Variants in GTF2E1 observed in about 807,000 individuals in gnomAD.
The protein encoded by GTF2E1 is general transcription factor IIE subunit 1.
In GTF2E1, 14 loss-of-function variants were observed where a neutral mutation model predicts 34.9. That is an observed-to-expected ratio of 0.40 (90% confidence interval 0.27 to 0.63). GTF2E1 has a LOEUF of 0.63. GTF2E1 is among the 20% of genes least tolerant of loss of function. The pLI is 0.39. For synonymous variants in GTF2E1, 188 were observed against 192.9 expected (o/e 0.97, Z 0.21); for missense variants, 469 against 557.7 (o/e 0.84, Z 1.60).
At chr3:120,778,080 C>T (rs1709416316) in intron 4 of GTF2E1, among the ~76,000 whole-genome samples, 1 of 152,220 alleles carries the variant, frequency 6.6e-6, no homozygotes, top group Non-Finnish European at 1.5e-5. Context: ...GGCTATACTA[C>T]TACTTAATAA....
intron 2 of GTF2E1, among the ~76,000 whole-genome samples, chr3:120,764,859 T>A (rs1709293821): frequency 6.6e-6 from 1 of 152,144 alleles, no homozygotes; most frequent in Non-Finnish European, 1.5e-5. Flanking sequence ...GTGAGTAACA[T>A]GTTTGTTAAA....
intron 2 of GTF2E1, among the ~76,000 whole-genome samples, chr3:120,766,360 C>T (rs1218263041): frequency 6.6e-6 from 1 of 152,198 alleles, no homozygotes; most frequent in African/African-American, 2.4e-5. Flanking sequence ...AGTGTCTTTC[C>T]TAACACCCTT....
At chr3:120,744,790 A>G (rs1352229859) in intron 1 of GTF2E1, among the ~76,000 whole-genome samples, 1 of 152,048 alleles carries the variant, frequency 6.6e-6, no homozygotes, top group African/African-American at 2.4e-5. Context: ...TATAAGAGTC[A>G]TTTTTCTAAA....
intron 1 of GTF2E1, among the ~76,000 whole-genome samples, chr3:120,745,699 A>G (rs986235292): frequency 2.0e-5 from 3 of 152,104 alleles, no homozygotes; most frequent in East Asian, 1.9e-4. Context: ...TTATGTTGAC[A>G]TTTTTCTGCT....
Position 120,781,166 on chromosome 3 carries a change from C to T in GTF2E1, c.1016C>T (p.Ser339Leu). Residue 339 changes from serine to leucine, a missense_variant, in exon 5 of 5, where the codon TCA becomes TTA. Transcript: ENST00000283875. ...EKKTSSAMAGSVGAAAPVTAA... is the reference protein window; with the variant it reads ...EKKTSSAMAGLVGAAAPVTAA... Reference sequence around the variant, plus strand: ...AAGACTTCCTCTGCCATGGCTGGTTCAGTGGGGGCAGCTGCTCCAGTGACC... The same window carrying T: ...AAGACTTCCTCTGCCATGGCTGGTTTAGTGGGGGCAGCTGCTCCAGTGACC... The T allele has an allele frequency of 6.2e-7, 1 of 1,614,062 alleles. No homozygotes were observed. Among genetic ancestry groups the T allele is most frequent in the Non-Finnish European group, 8.5e-7 (1 of 1,179,998 alleles).
intron 2 of GTF2E1, among the ~76,000 whole-genome samples, chr3:120,761,039 T>A (rs1198129755): frequency 6.6e-6 from 1 of 151,566 alleles, no homozygotes; most frequent in South Asian, 2.1e-4. Flanking sequence ...AATTCAGCTG[T>A]GTCTGGTCCT....
intron 2 of GTF2E1, among the ~76,000 whole-genome samples, chr3:120,766,590 C>T (rs538121535): frequency 3.3e-5 from 5 of 152,092 alleles, no homozygotes; most frequent in Non-Finnish European, 7.4e-5. Context: ...CCTTCATCTT[C>T]TCCTTCATCT....
chr3:120,772,869 C>T (rs1709364960), intron 3 of GTF2E1, among the ~76,000 whole-genome samples: 1 of 152,100 alleles, frequency 6.6e-6, no homozygotes, highest in Admixed American at 6.6e-5. Flanking sequence ...CCATATCCCC[C>T]ACTCACTGCA....
intron 2 of GTF2E1, among the ~76,000 whole-genome samples, chr3:120,756,937 A>C (rs1468929803): frequency 6.6e-6 from 1 of 152,130 alleles, no homozygotes; most frequent in African/African-American, 2.4e-5. Flanking sequence ...GAAAACAAAC[A>C]AACAAACAAA....
At chr3:120,763,579 C>A (rs892333803) in intron 2 of GTF2E1, among the ~76,000 whole-genome samples, 1 of 152,122 alleles carries the variant, frequency 6.6e-6, no homozygotes, top group Non-Finnish European at 1.5e-5. Context: ...AGGAGTTCTG[C>A]TTCTAGCTAC....
Position 120,751,884 on chromosome 3 carries a change from GC to G in GTF2E1, c.448+885del, listed in dbSNP as rs1709167396. Among the ~76,000 whole-genome samples, 5 of 152,162 alleles carry G rather than the reference GC, an allele frequency of 3.3e-5. No homozygotes were observed. The South Asian group carries it at 1.0e-3, about 32-fold the overall frequency. On this transcript the variant is annotated intron_variant, in intron 2 of 4. Coordinates refer to ENST00000283875, the MANE Select transcript of GTF2E1 (RefSeq NM_005513.3). The stretch of plus-strand genomic sequence containing the variant: ...AGGCTACTTTTTAGTTCATAGATCT[GC>G]TTTTTTAAAAACTTCGTCTGAAAGT...
intron 1 of GTF2E1, among the ~76,000 whole-genome samples, chr3:120,748,316 G>T (rs1709126985): frequency 6.6e-6 from 1 of 151,844 alleles, no homozygotes; most frequent in African/African-American, 2.4e-5. Flanking sequence ...TAGACATGAA[G>T]TCCTTGCCCA....
chr3:120,754,916 A>G (rs1709195747), intron 2 of GTF2E1, among the ~76,000 whole-genome samples: 1 of 152,106 alleles, frequency 6.6e-6, no homozygotes, highest in Non-Finnish European at 1.5e-5. Flanking sequence ...CCTATGTTGT[A>G]CTCTTGGATT....
chr3:120,760,360 C>G (rs537922), intron 2 of GTF2E1, among the ~76,000 whole-genome samples: 9,309 of 152,216 alleles, frequency 0.061, 468 homozygotes, highest in African/African-American at 0.13. Context: ...AATATACAAT[C>G]ATGTCATCTA....
intron 4 of GTF2E1, among the ~76,000 whole-genome samples, chr3:120,780,775 C>T (rs1576364572): frequency 6.6e-6 from 1 of 152,132 alleles, no homozygotes; most frequent in Non-Finnish European, 1.5e-5. Flanking sequence ...GATTAAATAA[C>T]TTGCCCAAGA....
intron 1 of GTF2E1, among the ~76,000 whole-genome samples, chr3:120,745,626 G>A (rs1256553869): frequency 6.6e-6 from 1 of 152,154 alleles, no homozygotes; most frequent in African/African-American, 2.4e-5. Flanking sequence ...TATTAGTCTG[G>A]GGCATGGCAT....
chr3:120,781,457 A>G lies in GTF2E1; in HGVS notation c.1307A>G (p.Asp436Gly). ...GCAATGGGACAACGCATGTTTGAGG[A>G]CCTCTTTGAGTGAGCTTTCCCTAAT... is the stretch of plus-strand genomic sequence containing the variant. ...YIAMGQRMFE[D>G]LFE Residue 436 changes from aspartate to glycine, a missense_variant, in exon 5 of 5, where the codon GAC (aspartate) becomes GGC (glycine). Asp to Gly is a moderately conservative substitution (Grantham distance 94). Transcript: ENST00000283875. The G allele has an allele frequency of 6.2e-7, 1 of 1,611,540 alleles. No homozygotes were observed. Among genetic ancestry groups the G allele is most frequent in the Non-Finnish European group, 8.5e-7 (1 of 1,177,754 alleles).
chr3:120,777,826 A>G lies in GTF2E1; in HGVS notation c.892+1162A>G, dbSNP rs541220125. 3.9e-5 allele frequency among the ~76,000 whole-genome samples: 6 copies of G among 152,308 alleles called. No homozygotes were observed. In the East Asian group the frequency reaches 9.6e-4, roughly 24 times the overall value. Reference sequence around the variant, plus strand: ...CTGAAACCTCTGCTTTCCGTGTTCAAGTGATTCTCTTGCCTCAGCCTCCTG... The same window carrying G: ...CTGAAACCTCTGCTTTCCGTGTTCAGGTGATTCTCTTGCCTCAGCCTCCTG... On this transcript the variant is annotated intron_variant, in intron 4 of 4. Transcript: ENST00000283875.
intron 2 of GTF2E1, among the ~76,000 whole-genome samples, chr3:120,763,872 C>T (rs1378767772): frequency 3.9e-5 from 6 of 152,028 alleles, no homozygotes; most frequent in Non-Finnish European, 1.5e-5. Flanking sequence ...CCAGAGGCTT[C>T]TTCTTTCCCT....
Sources: allele counts gnomAD v4.1 joint callset (sites outside exome capture counted in the v4.1 genomes callset), GRCh38; gene constraint gnomAD v4.1.1; transcripts MANE v1.5; gene names NCBI Gene and HGNC (gene_info 2026-07-23, HGNC 2026-07-21).